Variants in B3GALT1 observed in about 807,000 individuals in gnomAD.
The protein encoded by B3GALT1 is beta-1,3-galactosyltransferase 1, also known as UDP-Gal:betaGlcNAc beta 1,3-galactosyltransferase, polypeptide 1.
In B3GALT1, 10 loss-of-function variants were observed where a neutral mutation model predicts 23.2. The observed-to-expected ratio is 0.43, with a 90% CI of 0.27 to 0.73. B3GALT1 has a LOEUF of 0.73. Among genes scored for constraint, B3GALT1 ranks in the 30% least tolerant of loss-of-function variants. B3GALT1 has a pLI of 0.21. For synonymous variants in B3GALT1, 156 were observed against 141.5 expected, an observed-to-expected ratio of 1.10 and a Z score of -0.73; for missense variants, 299 against 405.4, an observed-to-expected ratio of 0.74 and a Z score of 2.25.
At chr2:167,461,576 G>A (rs1003843238) in intron 1 of B3GALT1, among the ~76,000 whole-genome samples, 2 of 151,576 alleles carry the variant, frequency 1.3e-5, no homozygotes, top group African/African-American at 4.9e-5. Flanking sequence ...TAATTATAAA[G>A]GTTTGGAATG....
At chr2:167,807,169 A>G (rs1020196803) in intron 3 of B3GALT1, among the ~76,000 whole-genome samples, 1 of 152,138 alleles carries the variant, frequency 6.6e-6, no homozygotes, top group Middle Eastern at 3.4e-3. Flanking sequence ...TATCCCCTTT[A>G]TCATTTTTTA....
At chr2:167,364,570 T>G (rs1697557257) in intron 1 of B3GALT1, among the ~76,000 whole-genome samples, 1 of 152,130 alleles carries the variant, frequency 6.6e-6, no homozygotes, top group Non-Finnish European at 1.5e-5. Context: ...TTCCCACCTA[T>G]GAGTGAGAAC....
At chr2:167,470,518 T>C (rs530372941) in intron 1 of B3GALT1, among the ~76,000 whole-genome samples, 61 of 152,292 alleles carry the variant, frequency 4.0e-4, no homozygotes, top group African/African-American at 1.4e-3. Flanking sequence ...GCTGTGAGGT[T>C]ATTTTAATAA....
intron 3 of B3GALT1, among the ~76,000 whole-genome samples, chr2:167,725,321 G>A (rs2105259953): frequency 6.6e-6 from 1 of 152,258 alleles, no homozygotes; most frequent in Non-Finnish European, 1.5e-5. Context: ...ATGGTACTTT[G>A]CAACCAAGCC....
At chr2:167,839,852 C>G (rs1356482956) in intron 4 of B3GALT1, among the ~76,000 whole-genome samples, 5 of 152,134 alleles carry the variant, frequency 3.3e-5, no homozygotes, top group African/African-American at 7.2e-5. Context: ...TGGAACAGAA[C>G]AGAGCCCTCA....
chr2:167,763,207 A>G (rs1687922740), intron 3 of B3GALT1, among the ~76,000 whole-genome samples: 1 of 152,192 alleles, frequency 6.6e-6, no homozygotes, highest in Non-Finnish European at 1.5e-5. Flanking sequence ...GAAATGCCGC[A>G]AATGAATAAC....
chr2:167,327,058 G>A (rs1696907542), intron 1 of B3GALT1, among the ~76,000 whole-genome samples: 1 of 152,020 alleles, frequency 6.6e-6, no homozygotes, highest in African/African-American at 2.4e-5. Context: ...TTGAAGATCG[G>A]TTTGCTATAA....
intron 3 of B3GALT1, among the ~76,000 whole-genome samples, chr2:167,704,085 G>T (rs1278379792): frequency 6.6e-6 from 1 of 150,970 alleles, no homozygotes; most frequent in Non-Finnish European, 1.5e-5. Context: ...GGAGGCTGAG[G>T]CAGGGGAATG....
intron 4 of B3GALT1, among the ~76,000 whole-genome samples, chr2:167,821,768 C>CAGAT (rs527943971): frequency 6.6e-6 from 1 of 152,082 alleles, no homozygotes; most frequent in Non-Finnish European, 1.5e-5. Context: ...TGACACTGCT[C>CAGAT]AGATAGAGCC....
intron 3 of B3GALT1, among the ~76,000 whole-genome samples, chr2:167,699,378 CTATTTT>C (rs1686840719): frequency 5.1e-5 from 4 of 78,684 alleles, no homozygotes; most frequent in Non-Finnish European, 1.0e-4. Flanking sequence ...GCCATTATTT[CTATTTT>C]TTTTTTTTTT....
At chr2:167,497,475 C>T (rs184529351) in intron 2 of B3GALT1, among the ~76,000 whole-genome samples, 26 of 152,192 alleles carry the variant, frequency 1.7e-4, no homozygotes, top group Admixed American at 8.5e-4. Flanking sequence ...TCAATTGTAC[C>T]GATCACCAAC....
chr2:167,395,094 A>G (rs1280080323), intron 1 of B3GALT1, among the ~76,000 whole-genome samples: 2 of 152,128 alleles, frequency 1.3e-5, no homozygotes, highest in African/African-American at 2.4e-5. Flanking sequence ...TTTTAAATTG[A>G]TGCTGTGATG....
intron 3 of B3GALT1, among the ~76,000 whole-genome samples, chr2:167,664,433 T>C (rs1229384629): frequency 3.3e-5 from 5 of 151,984 alleles, no homozygotes; most frequent in Non-Finnish European, 4.4e-5. Flanking sequence ...TAGGATTGAC[T>C]TGGCAATGCG....
At chr2:167,709,654 T>G (rs1297954281) in intron 3 of B3GALT1, among the ~76,000 whole-genome samples, 1 of 152,152 alleles carries the variant, frequency 6.6e-6, no homozygotes, top group East Asian at 1.9e-4. Flanking sequence ...GAATGCTACA[T>G]GGAACAGCTG....
chr2:167,482,557 T>C (rs1169880397), intron 1 of B3GALT1, among the ~76,000 whole-genome samples: 1 of 152,182 alleles, frequency 6.6e-6, no homozygotes, highest in Admixed American at 6.5e-5. Flanking sequence ...AAACAAAAAC[T>C]AGTACAAAAA....
intron 3 of B3GALT1, among the ~76,000 whole-genome samples, chr2:167,720,886 A>C (rs1009746892): frequency 6.6e-6 from 1 of 152,196 alleles, no homozygotes; most frequent in African/African-American, 2.4e-5. Context: ...AATATTCTCA[A>C]GTTTCCCCTA....
rs2105446852 is a variant in B3GALT1, at chr2:167,870,443, G to A, written c.*423G>A. ...GATGCACAGTCAGGAAGACACACTGGATGTGATTATTAATATCGTGTGTGT... is the reference window on the plus strand; with the variant it reads ...GATGCACAGTCAGGAAGACACACTGAATGTGATTATTAATATCGTGTGTGT... On this transcript the variant is annotated 3_prime_UTR_variant, in exon 5 of 5. Coordinates refer to ENST00000392690, the MANE Select transcript of B3GALT1 (RefSeq NM_020981.4). 1 of 174,032 alleles carries A rather than the reference G, an allele frequency of 5.7e-6. No individual in the cohort carries two copies. Among genetic ancestry groups the A allele is most frequent in the East Asian group, 1.8e-4 (1 of 5,524 alleles). 10.8% of individuals were successfully genotyped at this position (174,032 alleles called of 1,614,324 possible). A position where few individuals can be genotyped will look rare whatever the true frequency, so the allele number is the denominator to read the frequency against.
chr2:167,453,790 T>C (rs1249704992), intron 1 of B3GALT1, among the ~76,000 whole-genome samples: 2 of 152,220 alleles, frequency 1.3e-5, no homozygotes, highest in Non-Finnish European at 2.9e-5. Context: ...TTTTCAAATA[T>C]GTAAAAGGAG....
At chr2:167,787,288 G>C (rs1384308016) in intron 3 of B3GALT1, among the ~76,000 whole-genome samples, 1 of 152,158 alleles carries the variant, frequency 6.6e-6, no homozygotes, top group African/African-American at 2.4e-5. Flanking sequence ...TAGGGCTGCT[G>C]TGAGGTTTAT....
Sources: gnomAD v4.1 joint callset for allele counts (sites outside exome capture counted in the v4.1 genomes callset) on GRCh38, gnomAD v4.1.1 for gene constraint, MANE v1.5 for transcripts, NCBI Gene and HGNC (gene_info 2026-07-23, HGNC 2026-07-21) for gene names.